Variants in NPAS3 observed in about 807,000 individuals in gnomAD.
NPAS3 encodes the protein neuronal PAS domain-containing protein 3.
In NPAS3, 14 loss-of-function variants were observed where a neutral mutation model predicts 73.1. The observed-to-expected ratio is 0.19, with a 90% CI of 0.13 to 0.30. NPAS3 has a LOEUF of 0.30. Ranked by LOEUF, NPAS3 falls within the 10% of genes least tolerant of loss-of-function variation. The probability of loss-of-function intolerance (pLI) is 1.00; values close to 1 mark genes in which losing one functional copy is unlikely to be tolerated. For missense variants in NPAS3, 1,096 were observed against 1,250.0 expected (o/e 0.88, Z 1.86); for synonymous variants, 620 against 541.5 (o/e 1.14, Z -2.01).
At chr14:33,173,506 A>T (rs556286891) in intron 2 of NPAS3, among the ~76,000 whole-genome samples, 75 of 152,044 alleles carry the variant, frequency 4.9e-4, no homozygotes, top group African/African-American at 1.6e-3. Context: ...TTTATTTTTT[A>T]AAAAAAACTA....
rs1449590535 is a variant in NPAS3 at position 33,314,093 on chromosome 14, A to G, written c.386-53093A>G. The stretch of plus-strand genomic sequence containing the variant: ...TATGGTGATGGTGTTATTTGATTGA[A>G]CCTAATAGACCACTTTGTAAATAAA... On this transcript the variant is annotated intron_variant, in intron 3 of 11. Coordinates refer to ENST00000356141, the Ensembl canonical transcript of NPAS3. 2.6e-5 allele frequency among the ~76,000 whole-genome samples: 4 copies of G among 152,106 alleles called. No homozygotes were observed. The East Asian group carries it at 7.7e-4, about 29-fold the overall frequency.
intron 5 of NPAS3, among the ~76,000 whole-genome samples, chr14:33,590,255 A>G (rs2057015766): frequency 6.6e-6 from 1 of 152,216 alleles, no homozygotes; most frequent in South Asian, 2.1e-4. Flanking sequence ...GCATTTCACA[A>G]TAATGAAGAC....
At chr14:33,082,264 G>A (rs902063559) in intron 2 of NPAS3, among the ~76,000 whole-genome samples, 1 of 152,132 alleles carries the variant, frequency 6.6e-6, no homozygotes, top group African/African-American at 2.4e-5. Context: ...ATAAGGCCTA[G>A]TTGTAAGAAA....
chr14:33,052,528 G>A (rs1181167165), intron 1 of NPAS3, among the ~76,000 whole-genome samples: 2 of 152,176 alleles, frequency 1.3e-5, no homozygotes, highest in Admixed American at 6.5e-5. Context: ...AATGGCCAGC[G>A]CTTATGCTTA....
intron 4 of NPAS3, among the ~76,000 whole-genome samples, chr14:33,551,291 T>C (rs2055101344): frequency 6.6e-6 from 1 of 152,230 alleles, no homozygotes; most frequent in South Asian, 2.1e-4. Flanking sequence ...CATTAAGGGA[T>C]TCTTTAATCA....
intron 3 of NPAS3, among the ~76,000 whole-genome samples, chr14:33,309,887 C>T (rs910199291): frequency 3.3e-5 from 5 of 152,136 alleles, no homozygotes; most frequent in African/African-American, 9.7e-5. Context: ...ATATTTCCCT[C>T]GTGAGAAGTC....
chr14:32,958,781 T>A (rs2036784804), intron 1 of NPAS3, among the ~76,000 whole-genome samples: 1 of 152,166 alleles, frequency 6.6e-6, no homozygotes, highest in South Asian at 2.1e-4. Context: ...ATATTATACA[T>A]GAAATGAGTG....
At chr14:33,464,339 C>T (rs763547968) in intron 4 of NPAS3, among the ~76,000 whole-genome samples, 3 of 152,032 alleles carry the variant, frequency 2.0e-5, no homozygotes, top group African/African-American at 4.8e-5. Flanking sequence ...TCAAATGAAT[C>T]GGCGTTAACT....
At chr14:33,515,241 C>A (rs187088164) in intron 4 of NPAS3, among the ~76,000 whole-genome samples, 3 of 152,214 alleles carry the variant, frequency 2.0e-5, no homozygotes, top group Non-Finnish European at 4.4e-5. Context: ...CCAGTTACAA[C>A]TTCATCTCCC....
chr14:33,648,509 A>G (rs750688752), intron 5 of NPAS3, among the ~76,000 whole-genome samples: 10 of 152,244 alleles, frequency 6.6e-5, no homozygotes, highest in Non-Finnish European at 1.2e-4. Flanking sequence ...TCTAAGAAAA[A>G]GTGTCTAAAA....
intron 4 of NPAS3, among the ~76,000 whole-genome samples, chr14:33,401,384 C>T (rs960075928): frequency 2.0e-5 from 3 of 152,096 alleles, no homozygotes; most frequent in Non-Finnish European, 4.4e-5. Flanking sequence ...CATCTTATTT[C>T]CAGGACATTG....
intron 1 of NPAS3, among the ~76,000 whole-genome samples, chr14:33,015,579 G>T (rs1295700370): frequency 3.0e-5 from 3 of 101,022 alleles, no homozygotes; most frequent in African/African-American, 7.8e-5. Context: ...ACAATGTAAG[G>T]ACTAACCTTT....
intron 7 of NPAS3, among the ~76,000 whole-genome samples, chr14:33,737,079 C>T (rs11845003): frequency 0.074 from 11,303 of 152,176 alleles, 898 homozygotes; most frequent in African/African-American, 0.2. Flanking sequence ...CAATGTCACA[C>T]GTTGAAGGTG....
chr14:33,072,047 C>T (rs533592588), intron 2 of NPAS3, among the ~76,000 whole-genome samples: 1 of 152,224 alleles, frequency 6.6e-6, no homozygotes, highest in African/African-American at 2.4e-5. Flanking sequence ...TGCACCACCA[C>T]GCCCAGCTAA....
At chr14:33,561,023 A>G (rs2055622421) in intron 5 of NPAS3, among the ~76,000 whole-genome samples, 3 of 152,180 alleles carry the variant, frequency 2.0e-5, no homozygotes, top group African/African-American at 7.2e-5. Flanking sequence ...TGATTGGCTG[A>G]GTTTGACCCC....
At chr14:33,418,605 G>A (rs1405235326) in intron 4 of NPAS3, among the ~76,000 whole-genome samples, 1 of 151,954 alleles carries the variant, frequency 6.6e-6, no homozygotes, top group African/African-American at 2.4e-5. Flanking sequence ...TGAGTTTTAA[G>A]AGGATATGTT....
At chr14:33,093,559 G>A (rs535498821) in intron 2 of NPAS3, among the ~76,000 whole-genome samples, 10 of 152,278 alleles carry the variant, frequency 6.6e-5, no homozygotes, top group East Asian at 3.9e-4. Context: ...AAGACAGTGC[G>A]GCGATTCCTC....
At chr14:33,665,985 A>G (rs1446643528) in intron 5 of NPAS3, among the ~76,000 whole-genome samples, 1 of 152,168 alleles carries the variant, frequency 6.6e-6, no homozygotes, top group Non-Finnish European at 1.5e-5. Flanking sequence ...AAGTGTGCCA[A>G]TTATCTAGGC....
chr14:33,667,704 G>A (rs2059492263), intron 5 of NPAS3, among the ~76,000 whole-genome samples: 1 of 152,014 alleles, frequency 6.6e-6, no homozygotes, highest in Admixed American at 6.6e-5. Context: ...TTTTCTTATG[G>A]TAATTCACAA....
Sources: allele counts gnomAD v4.1 joint callset (sites outside exome capture counted in the v4.1 genomes callset), GRCh38; gene constraint gnomAD v4.1.1; transcripts MANE v1.5; gene names NCBI Gene and HGNC (gene_info 2026-07-23, HGNC 2026-07-21).